The following ARFGEF3 variants were observed in gnomAD, a reference collection of about 807,000 sequenced individuals.
The protein encoded by ARFGEF3 is ARFGEF family member 3.
A neutral mutation model predicts 221.7 loss-of-function variants in ARFGEF3; 96 were observed. That is an observed-to-expected ratio of 0.43 (90% CI 0.37 to 0.51). The LOEUF is 0.51. ARFGEF3 is among the 20% of genes least tolerant of loss of function. ARFGEF3 has a pLI of 0.00. For missense variants in ARFGEF3, 2,410 were observed against 2,789.9 expected (o/e 0.86, Z 3.07); for synonymous variants, 1,145 against 1,126.8 (o/e 1.02, Z -0.32).
At chr6:138,192,310 G>A (rs566874011) in intron 2 of ARFGEF3, among the ~76,000 whole-genome samples, 2 of 152,164 alleles carry the variant, frequency 1.3e-5, no homozygotes, top group Admixed American at 6.5e-5. Context: ...CTAACATGAC[G>A]AAACATCGTC....
chr6:138,282,108 C>T (rs188546012), intron 14 of ARFGEF3, among the ~76,000 whole-genome samples: 5 of 152,214 alleles, frequency 3.3e-5, no homozygotes, highest in Non-Finnish European at 5.9e-5. Context: ...GTGCCCACCA[C>T]CATGCCCGGC....
intron 2 of ARFGEF3, among the ~76,000 whole-genome samples, chr6:138,187,146 C>T (rs1451275655): frequency 6.6e-6 from 1 of 152,036 alleles, no homozygotes. Flanking sequence ...AATTCCTGAC[C>T]TCAGGTGATC....
chr6:138,262,674 C>T, intron 11 of ARFGEF3, 27 bp from the exon 12 acceptor site: 1 of 1,559,792 alleles, frequency 6.4e-7, no homozygotes, highest in Non-Finnish European at 8.7e-7. Context: ...TGCATTTATT[C>T]CATTTTCTCT....
At chr6:138,288,495 C>T (rs1352326172) in intron 17 of ARFGEF3, among the ~76,000 whole-genome samples, 4 of 151,890 alleles carry the variant, frequency 2.6e-5, no homozygotes, top group African/African-American at 9.7e-5. Context: ...ACCAGCCTGG[C>T]CAACATGGTG....
chr6:138,308,693 G>T (rs1273959669), intron 23 of ARFGEF3, 46 bp from the exon 24 acceptor site: 2 of 1,610,200 alleles, frequency 1.2e-6, no homozygotes, highest in East Asian at 4.5e-5. Flanking sequence ...GCAAACCCGA[G>T]GGCAGAAACT....
At chr6:138,203,758 A>G (rs2114488145) in intron 2 of ARFGEF3, among the ~76,000 whole-genome samples, 1 of 152,222 alleles carries the variant, frequency 6.6e-6, no homozygotes, top group East Asian at 1.9e-4. Flanking sequence ...CTCCTGCCTC[A>G]GCCTCTTGAG....
At chr6:138,196,216 T>C (rs1310451748) in intron 2 of ARFGEF3, among the ~76,000 whole-genome samples, 1 of 152,116 alleles carries the variant, frequency 6.6e-6, no homozygotes, top group Non-Finnish European at 1.5e-5. Flanking sequence ...ATGCCAATAA[T>C]ACAGTCATGC....
chr6:138,316,816 G>T (rs1447437446), intron 26 of ARFGEF3, among the ~76,000 whole-genome samples: 2 of 152,188 alleles, frequency 1.3e-5, no homozygotes, highest in Non-Finnish European at 2.9e-5. Context: ...CAACATTGTT[G>T]TCATGAATAC....
intron 5 of ARFGEF3, among the ~76,000 whole-genome samples, chr6:138,232,682 ATTG>A (rs923527137): frequency 6.6e-6 from 1 of 152,008 alleles, no homozygotes; most frequent in African/African-American, 2.4e-5. Context: ...CACCTTTTTT[ATTG>A]TTATTCCTTC....
intron 27 of ARFGEF3, among the ~76,000 whole-genome samples, chr6:138,317,694 A>C (rs1779950699): frequency 6.6e-6 from 1 of 152,120 alleles, no homozygotes; most frequent in African/African-American, 2.4e-5. Context: ...TGGCTTTGCT[A>C]TTTCCATGGT....
At chr6:138,320,971 C>T in intron 28 of ARFGEF3, 140 bp from the exon 29 acceptor site, 1 of 602,794 alleles carries the variant, frequency 1.7e-6, no homozygotes, top group Non-Finnish European at 2.9e-6. Context: ...GAGGATATGG[C>T]CATTTTTCTC....
intron 6 of ARFGEF3, among the ~76,000 whole-genome samples, chr6:138,239,212 A>G (rs982573061): frequency 8.5e-5 from 13 of 152,196 alleles, no homozygotes; most frequent in Non-Finnish European, 1.9e-4. Context: ...TCTTCTGGGA[A>G]TGTTAATGAG....
chr6:138,246,419 T>C (rs914495262), intron 8 of ARFGEF3, among the ~76,000 whole-genome samples: 3 of 152,204 alleles, frequency 2.0e-5, no homozygotes, highest in Non-Finnish European at 4.4e-5. Flanking sequence ...TTGGGAGAAA[T>C]AGTCTAGTTG....
intron 8 of ARFGEF3, among the ~76,000 whole-genome samples, chr6:138,252,028 T>G (rs1384219719): frequency 6.6e-6 from 1 of 152,142 alleles, no homozygotes; most frequent in Non-Finnish European, 1.5e-5. Context: ...TGGCTCATCA[T>G]TTCTTACTCT....
intron 21 of ARFGEF3, among the ~76,000 whole-genome samples, chr6:138,298,232 C>G (rs1163276260): frequency 6.6e-6 from 1 of 152,182 alleles, no homozygotes; most frequent in Non-Finnish European, 1.5e-5. Context: ...AATGACTCAT[C>G]TGATCTTCCT....
In ARFGEF3 at chr6:138,242,943, C is replaced by G. The variant is rs1358412228; in HGVS notation, c.544-9C>G. On this transcript the variant is annotated splice_polypyrimidine_tract_variant and intron_variant, in intron 6 of 33. Coordinates refer to ENST00000251691, the MANE Select transcript of ARFGEF3 (RefSeq NM_020340.5). ...TCTCCTAATTGTGTGTGTGTATCTCCCTTACTAGATAATTGAAAACCCAGA... is the reference window on the plus strand; with the variant it reads ...TCTCCTAATTGTGTGTGTGTATCTCGCTTACTAGATAATTGAAAACCCAGA... 2.5e-6 allele frequency: 4 copies of G among 1,607,966 alleles called. No homozygotes were observed. In the South Asian group the frequency reaches 4.4e-5, roughly 18 times the overall value.
intron 32 of ARFGEF3, among the ~76,000 whole-genome samples, chr6:138,333,551 C>T (rs1020778712): frequency 2.6e-5 from 4 of 152,162 alleles, no homozygotes; most frequent in African/African-American, 7.2e-5. Flanking sequence ...ATGCCATTCT[C>T]CTGCTTCAGC....
At chr6:138,223,404 G>C (rs759120728) in intron 4 of ARFGEF3, among the ~76,000 whole-genome samples, 1 of 152,102 alleles carries the variant, frequency 6.6e-6, no homozygotes, top group African/African-American at 2.4e-5. Context: ...TTTGAAATGC[G>C]CCTGGCATTA....
chr6:138,251,360 A>G (rs1349489627), intron 8 of ARFGEF3, among the ~76,000 whole-genome samples: 3 of 152,224 alleles, frequency 2.0e-5, no homozygotes, highest in Non-Finnish European at 4.4e-5. Context: ...TTTTCTTCTT[A>G]ATAACAGGTC....
Sources: gnomAD v4.1 joint callset for allele counts (sites outside exome capture counted in the v4.1 genomes callset) on GRCh38, gnomAD v4.1.1 for gene constraint, MANE v1.5 for transcripts, NCBI Gene and HGNC (gene_info 2026-07-23, HGNC 2026-07-21) for gene names.